The following TTC13 variants were observed in gnomAD, a reference collection of about 807,000 sequenced individuals.
The protein encoded by TTC13 is tetratricopeptide repeat domain 13.
In TTC13, 62 loss-of-function variants were observed where a neutral mutation model predicts 120.0. That is an observed-to-expected ratio of 0.52 (90% CI 0.42 to 0.64). The LOEUF is 0.64. Among genes scored for constraint, TTC13 ranks in the 30% least tolerant of loss-of-function variants. The pLI is 0.00. For missense variants in TTC13, 824 were observed against 1,050.2 expected (o/e 0.78, Z 2.98); for synonymous variants, 384 against 393.5 (o/e 0.98, Z 0.28).
chr1:230,973,564 T>C (rs982446266), intron 1 of TTC13, among the ~76,000 whole-genome samples: 2 of 152,058 alleles, frequency 1.3e-5, no homozygotes, highest in African/African-American at 4.8e-5. Flanking sequence ...TCAAGAGCAG[T>C]GAAAAAAGGC....
intron 1 of TTC13, among the ~76,000 whole-genome samples, chr1:230,966,493 T>A (rs540218098): frequency 4.6e-5 from 7 of 152,364 alleles, no homozygotes; most frequent in African/African-American, 1.7e-4. Context: ...TGTGATTTTT[T>A]AAATTGGGTT....
chr1:230,935,806 G>C (rs1673994738), intron 8 of TTC13, among the ~76,000 whole-genome samples: 1 of 152,224 alleles, frequency 6.6e-6, no homozygotes. Flanking sequence ...TTAGGGAGTT[G>C]CTGCAGTAGT....
intron 1 of TTC13, among the ~76,000 whole-genome samples, chr1:230,971,207 G>T (rs534467497): frequency 6.6e-6 from 1 of 151,886 alleles, no homozygotes; most frequent in South Asian, 2.1e-4. Flanking sequence ...TTAGCCGGGC[G>T]TGGTGGCGGG....
intron 4 of TTC13, among the ~76,000 whole-genome samples, chr1:230,951,069 C>G (rs1296566794): frequency 6.6e-6 from 1 of 152,106 alleles, no homozygotes; most frequent in Non-Finnish European, 1.5e-5. Flanking sequence ...AAAGGAAAAT[C>G]AAACCACAGG....
At chr1:230,932,572 C>G (rs751171991) in intron 9 of TTC13, among the ~76,000 whole-genome samples, 2 of 152,146 alleles carry the variant, frequency 1.3e-5, no homozygotes, top group Non-Finnish European at 2.9e-5. Flanking sequence ...AAATAGTGAA[C>G]ATTTTTTAAA....
chr1:230,961,390 C>T (rs887343263), intron 1 of TTC13, 87 bp from the exon 2 acceptor site: 51 of 975,008 alleles, frequency 5.2e-5, no homozygotes, highest in Middle Eastern at 4.2e-4. Flanking sequence ...TTAGACTCCA[C>T]AGAACCAAAA....
intron 8 of TTC13, among the ~76,000 whole-genome samples, chr1:230,939,069 C>A (rs1206872579): frequency 6.6e-6 from 1 of 150,912 alleles, no homozygotes; most frequent in Admixed American, 6.6e-5. Flanking sequence ...CTTTCTCTAA[C>A]TCTGCAGTTC....
At chr1:230,935,754 AAGAC>A (rs1044693703) in intron 8 of TTC13, among the ~76,000 whole-genome samples, 3 of 152,216 alleles carry the variant, frequency 2.0e-5, no homozygotes, top group African/African-American at 4.8e-5. Context: ...AGCAGCAACA[AAGAC>A]AGACTAGAGA....
At position 230,928,934 on chromosome 1, in the gene TTC13, T is replaced by C; in HGVS notation, c.1457+3A>G. ...AAAAATCATCTTCATTTAAAGCACT[T>C]ACTTTATGTGGGGTTGCAACCCTGG... On this transcript the variant is annotated splice_donor_region_variant and intron_variant, in intron 12 of 22. Transcript: ENST00000366661. The C allele has an allele frequency of 6.2e-7, 1 of 1,613,514 alleles. No individual in the cohort carries two copies. Among genetic ancestry groups the C allele is most frequent in the Non-Finnish European group, 8.5e-7 (1 of 1,179,768 alleles).
At chr1:230,907,284 G>A (rs1301391874) in intron 22 of TTC13, among the ~76,000 whole-genome samples, 1 of 152,220 alleles carries the variant, frequency 6.6e-6, no homozygotes, top group East Asian at 1.9e-4. Context: ...ATGTCCAGCT[G>A]TGGTGCATGC....
At chr1:230,914,810 C>A (rs948478435) in intron 18 of TTC13, among the ~76,000 whole-genome samples, 14 of 152,078 alleles carry the variant, frequency 9.2e-5, no homozygotes, top group Non-Finnish European at 1.9e-4. Flanking sequence ...GGTAAGGCTT[C>A]TGGTCAACAG....
chr1:230,932,415 G>T (rs1364325916), intron 9 of TTC13, among the ~76,000 whole-genome samples: 1 of 151,968 alleles, frequency 6.6e-6, no homozygotes, highest in Non-Finnish European at 1.5e-5. Flanking sequence ...GGATGGAAAT[G>T]GTTGTTATGG....
In TTC13 at chr1:230,912,555, C is replaced by A. The variant is rs780602663; in HGVS notation, c.2229+68G>T. ...AAGATGTACAATCTCAGTGAAAGGG[C>A]AGAGGTTCAAAAAATTTACAAAAGA... On this transcript the variant is annotated intron_variant, in intron 19 of 22. Coordinates refer to ENST00000366661, the MANE Select transcript of TTC13 (RefSeq NM_024525.5). 1,302 of 1,539,508 alleles carry A rather than the reference C, an allele frequency of 8.5e-4. 1 individual carries two copies. The highest frequency in any genetic ancestry group is 1.0e-3 in the Non-Finnish European group (1,142 of 1,131,294).
chr1:230,923,155 T>C (rs1672746001), intron 15 of TTC13, among the ~76,000 whole-genome samples: 1 of 152,204 alleles, frequency 6.6e-6, no homozygotes, highest in Non-Finnish European at 1.5e-5. Context: ...ATACATTTTA[T>C]CTAAAATTAA....
intron 4 of TTC13, among the ~76,000 whole-genome samples, chr1:230,945,876 G>T (rs1486861474): frequency 2.0e-5 from 3 of 152,194 alleles, no homozygotes; most frequent in Admixed American, 2.0e-4. Context: ...ATATATCCAT[G>T]AAATTACCTG....
chr1:230,976,116 A>G (rs1216923362), intron 1 of TTC13, among the ~76,000 whole-genome samples: 1 of 152,204 alleles, frequency 6.6e-6, no homozygotes, highest in African/African-American at 2.4e-5. Context: ...TGTCCTCAGT[A>G]TATGTGCTGG....
chr1:230,929,165 C>A (rs939407531), intron 11 of TTC13, 72 bp from the exon 12 acceptor site: 2 of 1,433,470 alleles, frequency 1.4e-6, no homozygotes, highest in Non-Finnish European at 1.9e-6. Context: ...AGCTGCCATA[C>A]AAATACTTTG....
intron 1 of TTC13, among the ~76,000 whole-genome samples, chr1:230,966,046 T>C (rs1297633624): frequency 3.3e-5 from 5 of 152,230 alleles, no homozygotes; most frequent in African/African-American, 1.2e-4. Context: ...TAAGAAACTT[T>C]TGTTTCCACA....
chr1:230,928,494 T>C (rs1458713538), intron 12 of TTC13, among the ~76,000 whole-genome samples: 2 of 152,154 alleles, frequency 1.3e-5, no homozygotes, highest in Non-Finnish European at 2.9e-5. Context: ...TCTTCTAGGT[T>C]TCCTTTGTAG....
Sources: gnomAD v4.1 joint callset for allele counts (sites outside exome capture counted in the v4.1 genomes callset) on GRCh38, gnomAD v4.1.1 for gene constraint, MANE v1.5 for transcripts, NCBI Gene and HGNC (gene_info 2026-07-23, HGNC 2026-07-21) for gene names.